Variants in R3HDML observed in about 807,000 individuals in gnomAD.
The protein encoded by R3HDML is R3H domain containing like.
Under a neutral mutation model 24.2 loss-of-function variants are expected in R3HDML, and 21 were observed. That is an observed-to-expected ratio of 0.87 (90% CI 0.62 to 1.25). R3HDML has a LOEUF of 1.25. R3HDML is among the 50% of genes most tolerant of loss of function. The probability of loss-of-function intolerance (pLI) is 0.00; values close to 1 mark genes in which losing one functional copy is unlikely to be tolerated. For missense variants in R3HDML, 301 were observed against 340.3 expected (o/e 0.88, Z 0.91); for synonymous variants, 133 against 131.5 (o/e 1.01, Z -0.08).
chr20:44,337,228 T>A lies in R3HDML; in HGVS notation c.71T>A (p.Leu24Ter). Residue 24 changes from leucine (L) to a stop codon, truncating the protein, a stop_gained, in exon 1 of 5, where the codon TTG becomes TAG. Coordinates refer to ENST00000217043, the MANE Select transcript of R3HDML (RefSeq NM_178491.4). LOFTEE classifies it high-confidence loss of function. This position sits in a 1 kb window ranked among gnomAD's most constrained non-coding sequence, Gnocchi z 4.7. ...LFWAGQAVNA[L>*]IMPNATPAPA... Reference sequence around the variant, plus strand: ...TGGGCTGGCCAGGCAGTGAACGCCTTGATAATGCCTAATGCTACCCCAGCC... The same window carrying A: ...TGGGCTGGCCAGGCAGTGAACGCCTAGATAATGCCTAATGCTACCCCAGCC... 1 of 1,613,858 alleles carries A rather than the reference T, an allele frequency of 6.2e-7. No homozygotes were observed. Among genetic ancestry groups the A allele is most frequent in the Non-Finnish European group, 8.5e-7 (1 of 1,179,986 alleles).
At chr20:44,344,964 A>G in intron 3 of R3HDML, 2 of 393,696 alleles carry the variant, frequency 5.1e-6, no homozygotes, top group Non-Finnish European at 9.2e-6. Flanking sequence ...TATATCACAC[A>G]TGATAACATG....
In R3HDML at chr20:44,337,443, C is replaced by A; in HGVS notation, c.261+25C>A. 6.3e-7 allele frequency: 1 copy of A among 1,597,428 alleles called. No homozygotes were observed. The highest frequency in any genetic ancestry group is 8.6e-7 in the Non-Finnish European group (1 of 1,167,360). The stretch of plus-strand genomic sequence containing the variant: ...GGTGAGTCCCCGTACCTGCCCCCCA[C>A]CCCCCGCAGTGTCCCTTCCGGCAAA... On this transcript the variant is annotated intron_variant, in intron 1 of 4. Coordinates refer to ENST00000217043, the MANE Select transcript of R3HDML (RefSeq NM_178491.4). This position sits in a 1 kb window ranked among gnomAD's most constrained non-coding sequence, Gnocchi z 4.7.
At chr20:44,343,185 A>G (rs777646902) in intron 2 of R3HDML, among the ~76,000 whole-genome samples, 192 bp from the exon 3 acceptor site, 1 of 152,170 alleles carries the variant, frequency 6.6e-6, no homozygotes, top group Non-Finnish European at 1.5e-5. Flanking sequence ...ACCACTTGCC[A>G]GGTACAGGGA....
intron 4 of R3HDML, among the ~76,000 whole-genome samples, chr20:44,349,728 G>C (rs997441836): frequency 6.6e-6 from 1 of 152,234 alleles, no homozygotes; most frequent in African/African-American, 2.4e-5. Flanking sequence ...TTATTAGGCA[G>C]CCATGAGCAA....
chr20:44,348,559 G>C (rs2062797761), intron 4 of R3HDML, among the ~76,000 whole-genome samples: 1 of 149,662 alleles, frequency 6.7e-6, no homozygotes, highest in East Asian at 2.0e-4. Flanking sequence ...CTGGAGTGCA[G>C]TGGCAGAATC....
rs1324830287 is a variant in R3HDML at position 44,350,748 on chromosome 20, A to T, written c.718A>T (p.Met240Leu). The change falls in exon 5 of 5, where the codon ATG becomes TTG. Residue 240 changes from methionine (M) to leucine (L), a missense_variant. Coordinates refer to ENST00000217043, the MANE Select transcript of R3HDML (RefSeq NM_178491.4). ...PSYQGSCNSN[M>L]CFKGLKSNKF... ...TTATCAAGGCAGCTGCAATAGCAAC[A>T]TGTGCTTCAAGGGGCTGAAATCCAA... The T allele has an allele frequency of 6.2e-7, 1 of 1,614,100 alleles. No individual in the cohort carries two copies. Among genetic ancestry groups the T allele is most frequent in the South Asian group, 1.1e-5 (1 of 91,054 alleles).
chr20:44,350,917 T>C lies in R3HDML; in HGVS notation c.*125T>C. ...GAGTTAGAATCACCCCCTGTTGAAT[T>C]TTCCCTCCTAGATCCCCTTCTTAAA... On this transcript the variant is annotated 3_prime_UTR_variant, in exon 5 of 5. Coordinates refer to ENST00000217043, the MANE Select transcript of R3HDML (RefSeq NM_178491.4). 8.8e-7 allele frequency: 1 copy of C among 1,134,530 alleles called. No homozygotes were observed. The highest frequency in any genetic ancestry group is 1.3e-6 in the Non-Finnish European group (1 of 793,964). 70.3% of individuals were successfully genotyped at this position (1,134,530 alleles called of 1,614,324 possible).
intron 4 of R3HDML, chr20:44,347,933 T>C (rs2146114216): frequency 6.6e-6 from 1 of 151,222 alleles, no homozygotes; most frequent in African/African-American, 2.4e-5. Context: ...AGAAACCAAA[T>C]TTCATTACAA....
rs1406503844 is a variant in R3HDML, at chr20:44,337,262, G to C, written c.105G>C (p.Gln35His). 1.2e-6 allele frequency: 2 copies of C among 1,614,058 alleles called. No homozygotes were observed. The highest frequency in any genetic ancestry group is 1.7e-6 in the Non-Finnish European group (2 of 1,180,060). ...CTAATGCTACCCCAGCCCCGGCCCAGCCCGAGAGCACGGCTATGCGGCTCC... is the reference window on the plus strand; with the variant it reads ...CTAATGCTACCCCAGCCCCGGCCCACCCCGAGAGCACGGCTATGCGGCTCC... The part of the protein sequence containing the change: ...IMPNATPAPA[Q>H]PESTAMRLLS... Residue 35 changes from glutamine to histidine, a missense_variant, in exon 1 of 5, where the codon CAG becomes CAC. Coordinates refer to ENST00000217043, the MANE Select transcript of R3HDML (RefSeq NM_178491.4). This position sits in a 1 kb window ranked among gnomAD's most constrained non-coding sequence, Gnocchi z 4.7.
At chr20:44,340,691 T>A (rs762886655) in intron 1 of R3HDML, among the ~76,000 whole-genome samples, 2 of 151,984 alleles carry the variant, frequency 1.3e-5, no homozygotes, top group Non-Finnish European at 2.9e-5. Flanking sequence ...GAGGCTGAGG[T>A]GGGAGGATCG....
chr20:44,340,014 A>G (rs2062767928), intron 1 of R3HDML, among the ~76,000 whole-genome samples: 1 of 151,846 alleles, frequency 6.6e-6, no homozygotes, highest in Admixed American at 6.6e-5. Flanking sequence ...GAGTACAATG[A>G]TATGGACTCA....
At chr20:44,344,275 C>T (rs1438489361) in intron 3 of R3HDML, among the ~76,000 whole-genome samples, 5 of 145,838 alleles carry the variant, frequency 3.4e-5, no homozygotes, top group East Asian at 2.0e-4. Context: ...AACGAGACTC[C>T]GTCTCAAAAA....
chr20:44,344,372 G>A (rs569191232), intron 3 of R3HDML, among the ~76,000 whole-genome samples: 13 of 152,166 alleles, frequency 8.5e-5, no homozygotes, highest in Non-Finnish European at 1.6e-4. Context: ...AGCCCAGGAG[G>A]TTGAGGTTGT....
At chr20:44,341,941 A>G (rs143632403) in intron 2 of R3HDML, among the ~76,000 whole-genome samples, 5 of 152,242 alleles carry the variant, frequency 3.3e-5, no homozygotes, top group African/African-American at 1.2e-4. Context: ...TAAAATAAAG[A>G]TAAGTCTGAG....
intron 4 of R3HDML, 120 bp from the exon 5 acceptor site, chr20:44,350,540 G>T: frequency 1.2e-6 from 1 of 806,930 alleles, no homozygotes; most frequent in Admixed American, 3.0e-5. Context: ...ACCAAGGCTT[G>T]CAGATGTGAC....
At chr20:44,348,837 T>C (rs1435764585) in intron 4 of R3HDML, among the ~76,000 whole-genome samples, 1 of 152,044 alleles carries the variant, frequency 6.6e-6, no homozygotes, top group Non-Finnish European at 1.5e-5. Flanking sequence ...TGCTACCTGC[T>C]CACAGAATTT....
At position 44,345,407 on chromosome 20, in the gene R3HDML, C is replaced by T. The variant is rs770807254; in HGVS notation, c.629+29C>T. ...AGTGCCTGCACCAAGGCAAAGAGGG[C>T]CCTGGGGCCGGCGGGTGGGTCCTGA... On this transcript the variant is annotated intron_variant, in intron 4 of 4. Transcript: ENST00000217043. The T allele has an allele frequency of 3.9e-6, 6 of 1,534,622 alleles. No individual in the cohort carries two copies. The African/African-American group carries it at 6.8e-5, about 18-fold the overall frequency.
intron 1 of R3HDML, among the ~76,000 whole-genome samples, chr20:44,339,579 A>ATGTGTGTG (rs140076477): frequency 0.013 from 1,921 of 147,998 alleles, 38 homozygotes; most frequent in South Asian, 0.057. Context: ...GCCTATATAT[A>ATGTGTGTG]TGTGTGTGTG....
intron 1 of R3HDML, 68 bp from the exon 2 acceptor site, chr20:44,341,128 A>G: frequency 1.5e-6 from 2 of 1,308,782 alleles, no homozygotes; most frequent in Non-Finnish European, 1.1e-6. Context: ...GTAAATGTGC[A>G]TCTCTGGACA....
Sources: allele counts gnomAD v4.1 joint callset (sites outside exome capture counted in the v4.1 genomes callset), GRCh38; gene constraint gnomAD v4.1.1; non-coding constraint Gnocchi (gnomAD v3.1); transcripts MANE v1.5; gene names NCBI Gene and HGNC (gene_info 2026-07-23, HGNC 2026-07-21).